Variants in ETV4 observed in about 807,000 individuals in gnomAD.
ETV4 encodes the protein ETS variant transcription factor 4, also known as ETS translocation variant 4.
Under a neutral mutation model 65.9 loss-of-function variants are expected in ETV4, and 42 were observed. The ratio of observed to expected loss-of-function variants is 0.64; its 90% CI spans 0.50 to 0.82. The LOEUF (loss-of-function observed/expected upper bound fraction) is 0.82, where lower values mean the gene tolerates loss of function less well. ETV4 is among the 40% of genes least tolerant of loss of function. The probability of loss-of-function intolerance (pLI) is 0.00; values close to 1 mark genes in which losing one functional copy is unlikely to be tolerated. For synonymous variants in ETV4, 238 were observed against 260.0 expected (o/e 0.92, Z 0.81); for missense variants, 583 against 630.3 (o/e 0.92, Z 0.80).
chr17:43,536,097 C>G (rs1433298894), intron 5 of ETV4, among the ~76,000 whole-genome samples: 2 of 151,506 alleles, frequency 1.3e-5, no homozygotes, highest in African/African-American at 4.8e-5. Context: ...GGTGACAGAG[C>G]AAGACTCTGT....
intron 11 of ETV4, 80 bp downstream of exon 11, chr17:43,529,424 C>T (rs1380012398): frequency 1.6e-5 from 24 of 1,513,278 alleles, no homozygotes; most frequent in Admixed American, 5.8e-5. Context: ...GATGGAGGCA[C>T]GTGCCACCAT....
chr17:43,530,607 CGCGTGTGT>C (rs778816069), intron 8 of ETV4, among the ~76,000 whole-genome samples: 2,469 of 138,718 alleles, frequency 0.018, 55 homozygotes, highest in African/African-American at 0.055. Flanking sequence ...TGTGCACGCG[CGCGTGTGT>C]GTGTGTGTGT....
Position 43,545,306 on chromosome 17 carries a change from T to A in ETV4, c.122A>T (p.Asp41Val). The change falls in exon 3 of 13, where the codon GAC becomes GTC. Residue 41 changes from aspartate (D) to valine (V), a missense_variant. Coordinates refer to ENST00000319349, the MANE Select transcript of ETV4 (RefSeq NM_001079675.5). ...ALIGPLGKLM[D>V]PGSLPPLDSE... ...GTCGAGGGGCGGCAGGGAGCCCGGG[T>A]CCATGAGCTTCCCCAGCGGGCCGAT... is the stretch of plus-strand genomic sequence containing the variant. 6.2e-7 allele frequency: 1 copy of A among 1,608,214 alleles called. No individual in the cohort carries two copies. Among genetic ancestry groups the A allele is most frequent in the Middle Eastern group, 1.7e-4 (1 of 6,042 alleles).
intron 4 of ETV4, among the ~76,000 whole-genome samples, chr17:43,538,601 C>G (rs902016841): frequency 6.6e-6 from 1 of 152,192 alleles, no homozygotes; most frequent in Non-Finnish European, 1.5e-5. Flanking sequence ...TTATTCTGGC[C>G]TCCCCAGAGC....
intron 5 of ETV4, among the ~76,000 whole-genome samples, chr17:43,534,551 C>G (rs1457445464): frequency 6.6e-6 from 1 of 152,182 alleles, no homozygotes; most frequent in African/African-American, 2.4e-5. Context: ...AAAACACTTT[C>G]AAGGAGTGAG....
At chr17:43,539,048 T>A (rs752243668) in intron 4 of ETV4, among the ~76,000 whole-genome samples, 35 of 152,234 alleles carry the variant, frequency 2.3e-4, no homozygotes, top group Non-Finnish European at 7.3e-5. Context: ...GATACCCTAT[T>A]TTCATTCTTA....
rs1408567977 is a variant in ETV4 at position 43,533,275 on chromosome 17, G to A, written c.457C>T (p.Pro153Ser). The A allele has an allele frequency of 1.2e-6, 2 of 1,613,974 alleles. No homozygotes were observed. Among genetic ancestry groups the A allele is most frequent in the Non-Finnish European group, 1.7e-6 (2 of 1,179,930 alleles). Reference sequence around the variant, plus strand: ...TTCCGTTGCTCTGCCCGGGGAAAGGGCTGTAGGGGCGACTGTCCAAGGGCA... The same window carrying A: ...TTCCGTTGCTCTGCCCGGGGAAAGGACTGTAGGGGCGACTGTCCAAGGGCA... ...PGALGQSPLQ[P>S]FPRAEQRNFL... The change falls in exon 7 of 13, where the codon CCC (proline) becomes TCC (serine). Residue 153 changes from proline (P) to serine (S), a missense_variant. Transcript: ENST00000319349.
chr17:43,544,190 C>G (rs1971675966), intron 4 of ETV4: 1 of 152,592 alleles, frequency 6.6e-6, no homozygotes, highest in South Asian at 2.1e-4. Context: ...CAGGCCCCAC[C>G]AAAACGCACT....
At chr17:43,531,971 C>T (rs1326318014) in intron 8 of ETV4, among the ~76,000 whole-genome samples, 2 of 152,144 alleles carry the variant, frequency 1.3e-5, no homozygotes, top group African/African-American at 4.8e-5. Context: ...CCTTAACTTC[C>T]CTATTAAGTC....
At chr17:43,533,138 T>C in intron 7 of ETV4, 49 bp downstream of exon 7, 2 of 1,599,000 alleles carry the variant, frequency 1.3e-6, no homozygotes, top group Non-Finnish European at 8.5e-7. Flanking sequence ...CACTCAGGAA[T>C]TGAAAAAACA....
At chr17:43,542,376 T>A (rs989658436) in intron 4 of ETV4, among the ~76,000 whole-genome samples, 2 of 152,216 alleles carry the variant, frequency 1.3e-5, no homozygotes, top group Non-Finnish European at 2.9e-5. Context: ...CAATGGCCCT[T>A]ACTACCAAAT....
chr17:43,538,224 T>A (rs1396177032), intron 4 of ETV4, among the ~76,000 whole-genome samples: 1 of 151,434 alleles, frequency 6.6e-6, no homozygotes, highest in Admixed American at 6.6e-5. Flanking sequence ...GGAGAATAAC[T>A]TGAACCCGGG....
At chr17:43,541,079 CAGG>C (rs1044664839) in intron 4 of ETV4, among the ~76,000 whole-genome samples, 1 of 152,200 alleles carries the variant, frequency 6.6e-6, no homozygotes, top group South Asian at 2.1e-4. Flanking sequence ...GCCCGGAATC[CAGG>C]AGGAGGCTTC....
intron 11 of ETV4, 41 bp from the exon 12 acceptor site, chr17:43,529,277 C>T: frequency 6.3e-7 from 1 of 1,596,592 alleles, no homozygotes; most frequent in Non-Finnish European, 8.6e-7. Flanking sequence ...GCTACCTTGG[C>T]AGAGGAAAAA....
chr17:43,541,925 G>A (rs1971543915), intron 4 of ETV4, among the ~76,000 whole-genome samples: 1 of 152,146 alleles, frequency 6.6e-6, no homozygotes, highest in Admixed American at 6.5e-5. Flanking sequence ...CCACAGACAT[G>A]CCGAGGCACC....
chr17:43,534,110 G>A, intron 5 of ETV4, 125 bp from the exon 6 acceptor site: 1 of 1,087,910 alleles, frequency 9.2e-7, no homozygotes, highest in Non-Finnish European at 1.2e-6. Context: ...CCCTCTCTGG[G>A]TATCAATTTT....
At chr17:43,545,175 C>T in intron 3 of ETV4, 99 bp downstream of exon 3, 1 of 1,219,354 alleles carries the variant, frequency 8.2e-7, no homozygotes, top group Non-Finnish European at 1.2e-6. Flanking sequence ...GGGAAACAGG[C>T]GGGGGTTCCA....
At position 43,533,817 on chromosome 17, in the gene ETV4, A is replaced by G. The variant is rs755179959; in HGVS notation, c.383+42T>C. On this transcript the variant is annotated intron_variant, in intron 6 of 12. Coordinates refer to ENST00000319349, the MANE Select transcript of ETV4 (RefSeq NM_001079675.5). ...GGTGCCCCCTGCCTCCCTCCTCTGG[A>G]ACCCTTCTCCTACCCTTCACCAGGT... 5 of 1,599,876 alleles carry G rather than the reference A, an allele frequency of 3.1e-6. No homozygotes were observed. The South Asian group carries it at 4.5e-5, about 14-fold the overall frequency.
chr17:43,530,138 G>A lies in ETV4; in HGVS notation c.855C>T (p.Phe285=). The A allele has an allele frequency of 6.4e-7, 1 of 1,567,842 alleles. No homozygotes were observed. Among genetic ancestry groups the A allele is most frequent in the Non-Finnish European group, 8.7e-7 (1 of 1,156,016 alleles). The change falls in exon 9 of 13, where the codon TTC becomes TTT. Residue 285 remains phenylalanine, a synonymous_variant. Coordinates refer to ENST00000319349, the MANE Select transcript of ETV4 (RefSeq NM_001079675.5). ...CASMYLHTEG[F]SGPSPGDGAM... Reference sequence around the variant, plus strand: ...CCCCGTCACCTGGAGAGGGCCCAGAGAAGCCCTCTGTGTGGAGGTACATTG... The same window carrying A: ...CCCCGTCACCTGGAGAGGGCCCAGAAAAGCCCTCTGTGTGGAGGTACATTG...
Sources: allele counts gnomAD v4.1 joint callset (sites outside exome capture counted in the v4.1 genomes callset), GRCh38; gene constraint gnomAD v4.1.1; transcripts MANE v1.5; gene names NCBI Gene and HGNC (gene_info 2026-07-23, HGNC 2026-07-21).